The following ERBIN variants were observed in gnomAD, a reference collection of about 807,000 sequenced individuals.
ERBIN encodes erbb2 interacting protein.
In ERBIN, 60 loss-of-function variants were observed where a neutral mutation model predicts 158.4. That is an observed-to-expected ratio of 0.38 (90% CI 0.31 to 0.47). The LOEUF is 0.47. ERBIN is among the 20% of genes least tolerant of loss of function. ERBIN has a pLI of 0.99. For missense variants in ERBIN, 1,610 were observed against 1,648.0 expected (o/e 0.98, Z 0.40); for synonymous variants, 594 against 557.2 (o/e 1.07, Z -0.93).
chr5:66,068,341 T>A (rs781095606), intron 21 of ERBIN, among the ~76,000 whole-genome samples: 22 of 151,208 alleles, frequency 1.5e-4, no homozygotes, highest in Admixed American at 4.6e-4. Context: ...AAAAAAAAAA[T>A]TTTTGAAGTG....
At chr5:66,049,154 C>G (rs1011543637) in intron 19 of ERBIN, among the ~76,000 whole-genome samples, 7 of 152,018 alleles carry the variant, frequency 4.6e-5, no homozygotes, top group African/African-American at 1.7e-4. Context: ...GATAATGTAT[C>G]TTTTAGCACA....
rs1762382031 is a variant in ERBIN at position 66,081,474 on chromosome 5, C to T, written c.*2944C>T. 6.6e-6 allele frequency: 1 copy of T among 151,978 alleles called. No homozygotes were observed. The allele number at this position is 151,978 out of a possible 1,614,324, so 9.4% of individuals were successfully genotyped here. A position where few individuals can be genotyped will look rare whatever the true frequency, so the allele number is the denominator to read the frequency against. The stretch of plus-strand genomic sequence containing the variant: ...AGCAGCTATGTAATATTTTTATCAA[C>T]CAACATTTATTCATTCCAAATTTTT... On this transcript the variant is annotated 3_prime_UTR_variant, in exon 26 of 26. Coordinates refer to ENST00000284037, the MANE Select transcript of ERBIN (RefSeq NM_001253697.2).
chr5:65,955,295 A>G (rs946065461), intron 1 of ERBIN, among the ~76,000 whole-genome samples: 2 of 152,102 alleles, frequency 1.3e-5, no homozygotes, highest in African/African-American at 4.8e-5. Context: ...AGCTTTTGGC[A>G]TTGCTTCTCA....
At position 66,076,342 on chromosome 5, in the gene ERBIN, A is replaced by G; in HGVS notation, c.3990A>G (p.Pro1330=). The G allele has an allele frequency of 6.2e-7, 1 of 1,613,692 alleles. No homozygotes were observed. Among genetic ancestry groups the G allele is most frequent in the South Asian group, 1.1e-5 (1 of 91,024 alleles). Residue 1330 remains proline (P), a synonymous_variant, in exon 24 of 26, where the codon CCA becomes CCG. Transcript: ENST00000284037. ...TTCGAGTGAGGGTTGAAAAGGATCC[A>G]GAACTTGGATTTAGCATATCAGGTG... ...QEIRVRVEKD[P]ELGFSISGGV... is the part of the protein sequence containing the mutation.
intron 15 of ERBIN, among the ~76,000 whole-genome samples, chr5:66,038,805 C>G (rs1230620635): frequency 6.6e-6 from 1 of 151,760 alleles, no homozygotes; most frequent in African/African-American, 2.4e-5. Flanking sequence ...GAAATATTTT[C>G]TTCACCTGTG....
At chr5:66,074,045 ATTTTTTTTT>A (rs397884229) in intron 22 of ERBIN, among the ~76,000 whole-genome samples, 2 of 91,936 alleles carry the variant, frequency 2.2e-5, no homozygotes, top group Admixed American at 1.4e-4. Context: ...TGCCCAGCTA[ATTTTTTTTT>A]TTTTTTTTTT....
intron 5 of ERBIN, 76 bp downstream of exon 5, chr5:66,012,203 T>C: frequency 1.0e-6 from 1 of 971,260 alleles, no homozygotes; most frequent in South Asian, 1.9e-5. Context: ...ATTGTACATA[T>C]TTTAACAAAA....
Position 65,974,956 on chromosome 5 carries a change from G to T in ERBIN, c.-57-13679G>T, listed in dbSNP as rs115448452. On this transcript the variant is annotated intron_variant, in intron 1 of 25. Transcript: ENST00000284037. ...ATCTCGTAAAGTAAGGGGAAGCGAA[G>T]CTACTAAGAAAGCAAGGGGGAGAAG... 5.4e-3 allele frequency among the ~76,000 whole-genome samples: 826 copies of T among 152,274 alleles called. 3 individuals are homozygous for T. The highest frequency in any genetic ancestry group is 0.019 in the African/African-American group (791 of 41,566).
At chr5:65,970,893 T>C (rs1035049857) in intron 1 of ERBIN, among the ~76,000 whole-genome samples, 3 of 152,204 alleles carry the variant, frequency 2.0e-5, no homozygotes, top group Non-Finnish European at 4.4e-5. Context: ...ATGTTTTATC[T>C]AAAATTAGAA....
chr5:66,029,793 CAG>C (rs899428081), intron 14 of ERBIN, among the ~76,000 whole-genome samples: 2 of 151,832 alleles, frequency 1.3e-5, no homozygotes, highest in African/African-American at 4.8e-5. Context: ...TTAGTAGAAA[CAG>C]GGCCAGGATG....
chr5:65,931,064 A>G (rs1743314445), intron 1 of ERBIN, among the ~76,000 whole-genome samples: 1 of 148,644 alleles, frequency 6.7e-6, no homozygotes, highest in South Asian at 2.1e-4. Context: ...GAATATCTAA[A>G]AATTCACTTA....
At chr5:66,018,453 ATT>A (rs1561379752) in intron 7 of ERBIN, among the ~76,000 whole-genome samples, 2 of 28,698 alleles carry the variant, frequency 7.0e-5, no homozygotes, top group Non-Finnish European at 1.3e-4. Flanking sequence ...TATAATATAT[ATT>A]ATATTATATA....
chr5:65,964,359 GT>G (rs1260040297), intron 1 of ERBIN, among the ~76,000 whole-genome samples: 1 of 152,194 alleles, frequency 6.6e-6, no homozygotes, highest in Non-Finnish European at 1.5e-5. Flanking sequence ...CTGACTAGTG[GT>G]TTTAAGGCAC....
At chr5:66,066,538 A>AAT (rs1761022996) in intron 21 of ERBIN, among the ~76,000 whole-genome samples, 3 of 151,834 alleles carry the variant, frequency 2.0e-5, no homozygotes, top group African/African-American at 7.2e-5. Flanking sequence ...AAAAAAAACA[A>AAT]AAAAAACTGT....
rs187520381 is a variant in ERBIN, at chr5:65,942,809, C to T, written c.-58+16003C>T. ...GTGTGGTTGCGCATGCCTGTAATTC[C>T]GCCTACTCGGGAGGCTTGAACTCAG... On this transcript the variant is annotated intron_variant, in intron 1 of 25. Coordinates refer to ENST00000284037, the MANE Select transcript of ERBIN (RefSeq NM_001253697.2). Among the ~76,000 whole-genome samples, 293 of 151,904 alleles carry T rather than the reference C, an allele frequency of 1.9e-3. 1 individual carries two copies. Among genetic ancestry groups the T allele is most frequent in the Non-Finnish European group, 3.5e-3 (235 of 67,980 alleles).
At chr5:66,017,144 G>A (rs1754836639) in intron 7 of ERBIN, among the ~76,000 whole-genome samples, 1 of 152,082 alleles carries the variant, frequency 6.6e-6, no homozygotes. Context: ...GAATAGTGCT[G>A]CCATAGACAT....
chr5:66,013,431 TCATAA>T, intron 5 of ERBIN, 113 bp from the exon 6 acceptor site: 3 of 751,834 alleles, frequency 4.0e-6, no homozygotes, highest in Non-Finnish European at 6.9e-6. Context: ...AAGTAGCCAC[TCATAA>T]CAGAAGCGAC....
chr5:66,077,061 G>A, intron 25 of ERBIN, 112 bp downstream of exon 25: 2 of 730,012 alleles, frequency 2.7e-6, no homozygotes, highest in South Asian at 3.8e-5. Flanking sequence ...TGAGGCAGGA[G>A]AATGGCGTGA....
At chr5:65,946,366 AAATGAATGAATG>A (rs199983927) in intron 1 of ERBIN, among the ~76,000 whole-genome samples, 4 of 151,986 alleles carry the variant, frequency 2.6e-5, no homozygotes, top group African/African-American at 4.8e-5. Flanking sequence ...TCAGTCTCAT[AAATGAATGAATG>A]AATGAATGAA....
Sources: allele counts gnomAD v4.1 joint callset (sites outside exome capture counted in the v4.1 genomes callset), GRCh38; gene constraint gnomAD v4.1.1; transcripts MANE v1.5; gene names NCBI Gene and HGNC (gene_info 2026-07-23, HGNC 2026-07-21).